Variants in RIPOR2 observed in about 807,000 individuals in gnomAD.
The protein encoded by RIPOR2 is rho family-interacting cell polarization regulator 2.
In RIPOR2, 39 loss-of-function variants were observed where a neutral mutation model predicts 114.5. That is an observed-to-expected ratio of 0.34 (90% confidence interval 0.26 to 0.44). The LOEUF is 0.44. RIPOR2 is among the 20% of genes least tolerant of loss of function. The probability of loss-of-function intolerance (pLI) is 1.00; values close to 1 mark genes in which losing one functional copy is unlikely to be tolerated. For synonymous variants in RIPOR2, 445 were observed against 484.4 expected, an observed-to-expected ratio of 0.92 and a Z score of 1.07; for missense variants, 1,007 against 1,255.1, an observed-to-expected ratio of 0.80 and a Z score of 2.99.
chr6:24,973,783 T>A (rs1427746910), intron 1 of RIPOR2, among the ~76,000 whole-genome samples: 5 of 152,134 alleles, frequency 3.3e-5, no homozygotes, highest in African/African-American at 1.2e-4. Context: ...AATTAAATCA[T>A]GTCCTTAGCA....
intron 1 of RIPOR2, among the ~76,000 whole-genome samples, chr6:24,922,517 T>A (rs1770567758): frequency 6.8e-6 from 1 of 148,064 alleles, no homozygotes; most frequent in Non-Finnish European, 1.5e-5. Context: ...AATTGCCTGG[T>A]ACTTTCCTGT....
Position 24,809,782 on chromosome 6 carries a change from A to G in RIPOR2, c.2978T>C (p.Val993Ala). The change falls in exon 21 of 22, where the codon GTG (valine) becomes GCG (alanine). Residue 993 changes from valine (V) to alanine (A), a missense_variant. By Grantham distance (64) the Val-to-Ala change is moderately conservative (BLOSUM62 0). Transcript: ENST00000643898. ...TTCAGTATCAGATTGACACAATGTC[A>G]CCAGCATTTTAATGCTTTCAGTAGC... The part of the protein sequence containing the change: ...LEATESIKML[V>A]TLCQSDTEEI... 1 of 1,550,624 alleles carries G rather than the reference A, an allele frequency of 6.4e-7. No homozygotes were observed. The highest frequency in any genetic ancestry group is 8.7e-7 in the Non-Finnish European group (1 of 1,145,996).
intron 10 of RIPOR2, 46 bp downstream of exon 10, chr6:24,850,551 C>T (rs772255910): frequency 6.2e-7 from 1 of 1,611,006 alleles, no homozygotes; most frequent in Non-Finnish European, 8.5e-7. Flanking sequence ...AATGGATCAT[C>T]CAGCCGTGGC....
chr6:24,867,933 AC>A (rs1252102367), intron 6 of RIPOR2, among the ~76,000 whole-genome samples: 1 of 152,194 alleles, frequency 6.6e-6, no homozygotes, highest in Non-Finnish European at 1.5e-5. Context: ...GTATCTAACA[AC>A]CATGGATGCA....
intron 1 of RIPOR2, among the ~76,000 whole-genome samples, chr6:24,966,378 C>T (rs1888931): frequency 0.074 from 11,263 of 152,234 alleles, 894 homozygotes; most frequent in African/African-American, 0.19. Context: ...TATTGTGTTT[C>T]ATCATTCTTA....
chr6:24,942,721 G>A (rs1402970024), intron 1 of RIPOR2, among the ~76,000 whole-genome samples: 1 of 152,210 alleles, frequency 6.6e-6, no homozygotes, highest in Non-Finnish European at 1.5e-5. Context: ...CTTTTGAGAA[G>A]TGTCTGTTCA....
intron 13 of RIPOR2, chr6:24,840,224 A>C: frequency 1.0e-6 from 1 of 1,001,020 alleles, no homozygotes. Flanking sequence ...GATTACAGGC[A>C]TGAGCCACCG....
At chr6:24,809,842 C>T (rs2113623070) in intron 20 of RIPOR2, 35 bp from the exon 21 acceptor site, 1 of 1,355,726 alleles carries the variant, frequency 7.4e-7, no homozygotes, top group East Asian at 2.5e-5. Flanking sequence ...CGTGTTTTGA[C>T]ATTTAGGTCT....
chr6:24,869,151 G>T lies in RIPOR2; in HGVS notation c.448-4C>A. On this transcript the variant is annotated splice_region_variant and splice_polypyrimidine_tract_variant and intron_variant, in intron 5 of 21. Coordinates refer to ENST00000643898, the MANE Select transcript of RIPOR2 (RefSeq NM_001286445.3). ...ATCTTTCAATTGTTTTAATTTGCTG[G>T]AATTAAAAGAAGTTTGAAAAAGTAC... 6.5e-7 allele frequency: 1 copy of T among 1,542,662 alleles called. No individual in the cohort carries two copies. Among genetic ancestry groups the T allele is most frequent in the Non-Finnish European group, 8.9e-7 (1 of 1,124,364 alleles).
At chr6:24,862,460 CGTT>C (rs1408356333) in intron 7 of RIPOR2, among the ~76,000 whole-genome samples, 2 of 152,136 alleles carry the variant, frequency 1.3e-5, no homozygotes, top group South Asian at 2.1e-4. Context: ...TTCTATGTTT[CGTT>C]GTTCTGCTCC....
chr6:24,997,946 A>G (rs1171648158), intron 1 of RIPOR2, among the ~76,000 whole-genome samples: 3 of 152,132 alleles, frequency 2.0e-5, no homozygotes, highest in Non-Finnish European at 4.4e-5. Context: ...TCTCACACTT[A>G]GGTTTCAGGG....
intron 1 of RIPOR2, chr6:25,031,070 A>G (rs896107077): frequency 6.6e-6 from 1 of 152,144 alleles, no homozygotes; most frequent in African/African-American, 2.4e-5. Context: ...ACTACTGACC[A>G]GTACAGGAGT....
chr6:24,819,799 C>G (rs1184137484), intron 19 of RIPOR2, among the ~76,000 whole-genome samples: 2 of 151,382 alleles, frequency 1.3e-5, no homozygotes, highest in Non-Finnish European at 2.9e-5. Flanking sequence ...CTGCACCCGG[C>G]CAATTGTCTT....
At chr6:25,042,025 G>T, upstream of RIPOR2, 6 of 423,434 alleles carry the variant, frequency 1.4e-5, no homozygotes, top group East Asian at 7.3e-5. Context: ...AAATGAAAAA[G>T]AAAACTTAAC....
At chr6:24,874,188 A>T (rs1194450134) in intron 2 of RIPOR2, among the ~76,000 whole-genome samples, 1 of 151,314 alleles carries the variant, frequency 6.6e-6, no homozygotes, top group Non-Finnish European at 1.5e-5. Context: ...GCACCACCAC[A>T]CCTGGCTAAT....
At chr6:24,904,842 C>T (rs1335201187) in intron 1 of RIPOR2, among the ~76,000 whole-genome samples, 1 of 152,144 alleles carries the variant, frequency 6.6e-6, no homozygotes, top group Admixed American at 6.5e-5. Flanking sequence ...TGGTGTGATC[C>T]CTGCTTACTG....
At chr6:24,871,553 C>T (rs1341446554) in intron 4 of RIPOR2, among the ~76,000 whole-genome samples, 2 of 152,158 alleles carry the variant, frequency 1.3e-5, no homozygotes, top group Non-Finnish European at 2.9e-5. Context: ...GGTCTCGCCA[C>T]GTTGGCCAAG....
chr6:25,013,982 A>T (rs1378010458), intron 1 of RIPOR2, among the ~76,000 whole-genome samples: 1 of 152,230 alleles, frequency 6.6e-6, no homozygotes, highest in Admixed American at 6.5e-5. Context: ...CCAAAAATTT[A>T]GGACTGGAAG....
intron 1 of RIPOR2, among the ~76,000 whole-genome samples, chr6:24,931,518 G>C (rs754060472): frequency 9.8e-5 from 15 of 152,356 alleles, no homozygotes; most frequent in Non-Finnish European, 1.9e-4. Context: ...CCATCTGGGA[G>C]AGTTCCCCTC....
Sources: allele counts gnomAD v4.1 joint callset (sites outside exome capture counted in the v4.1 genomes callset), GRCh38; gene constraint gnomAD v4.1.1; transcripts MANE v1.5; gene names NCBI Gene and HGNC (gene_info 2026-07-23, HGNC 2026-07-21).